KCND2: variants seen among roughly 807,000 people sequenced by gnomAD.
The protein encoded by KCND2 is A-type voltage-gated potassium channel KCND2.
In KCND2, 16 loss-of-function variants were observed where a neutral mutation model predicts 54.4. That is an observed-to-expected ratio of 0.29 (90% confidence interval 0.20 to 0.45). The LOEUF is 0.45. KCND2 is among the 20% of genes least tolerant of loss of function. The probability of loss-of-function intolerance (pLI) is 1.00; values close to 1 mark genes in which losing one functional copy is unlikely to be tolerated. For synonymous variants in KCND2, 317 were observed against 310.7 expected (o/e 1.02, Z -0.21); for missense variants, 486 against 824.2 (o/e 0.59, Z 5.02).
At chr7:120,581,957 A>G (rs1026642193) in intron 1 of KCND2, among the ~76,000 whole-genome samples, 1 of 151,562 alleles carries the variant, frequency 6.6e-6, no homozygotes, top group South Asian at 2.1e-4. Flanking sequence ...CAAGTCATCC[A>G]CCCGCCTCAG....
chr7:120,674,153 C>T (rs967322356), intron 1 of KCND2, among the ~76,000 whole-genome samples: 6 of 152,102 alleles, frequency 3.9e-5, no homozygotes, highest in Non-Finnish European at 8.8e-5. Flanking sequence ...ATCCACCCAC[C>T]TCAGCCTCCC....
rs1002043179 is a variant in KCND2, at chr7:120,535,374, A to T, written c.1116-197529A>T. 2.0e-5 allele frequency among the ~76,000 whole-genome samples: 3 copies of T among 152,284 alleles called. No individual in the cohort carries two copies. The South Asian group carries it at 6.2e-4, about 32-fold the overall frequency. On this transcript the variant is annotated intron_variant, in intron 1 of 5. Transcript: ENST00000331113. ...TCTTTGAAAAAAAGTAACTATAGGT[A>T]GACTATCTTACAGACCCTTATTTAA...
chr7:120,422,201 C>G (rs1801635796), intron 1 of KCND2, among the ~76,000 whole-genome samples: 1 of 152,164 alleles, frequency 6.6e-6, no homozygotes, highest in African/African-American at 2.4e-5. Flanking sequence ...CCTCATGAGT[C>G]TTACCATTCT....
chr7:120,612,810 C>T (rs183214972), intron 1 of KCND2, among the ~76,000 whole-genome samples: 19 of 152,236 alleles, frequency 1.2e-4, no homozygotes, highest in Middle Eastern at 3.4e-3. Flanking sequence ...ACTATAATTA[C>T]GTGAGTCTCA....
intron 1 of KCND2, among the ~76,000 whole-genome samples, chr7:120,430,721 A>G (rs931412531): frequency 1.3e-5 from 2 of 152,214 alleles, no homozygotes; most frequent in Non-Finnish European, 2.9e-5. Context: ...GAGATGTTTT[A>G]TTCACATACA....
At chr7:120,317,994 G>T (rs554331068) in intron 1 of KCND2, among the ~76,000 whole-genome samples, 1 of 152,288 alleles carries the variant, frequency 6.6e-6, no homozygotes, top group South Asian at 2.1e-4. Flanking sequence ...TTAAGCACCT[G>T]CTGTGTATTT....
chr7:120,554,058 T>C (rs1469724799), intron 1 of KCND2, among the ~76,000 whole-genome samples: 1 of 152,226 alleles, frequency 6.6e-6, no homozygotes, highest in African/African-American at 2.4e-5. Context: ...AAGTGTTTTG[T>C]CATTACTCCC....
chr7:120,517,459 G>A (rs1018229804), intron 1 of KCND2, among the ~76,000 whole-genome samples: 35 of 151,972 alleles, frequency 2.3e-4, no homozygotes, highest in African/African-American at 7.5e-4. Flanking sequence ...ATTAGTATTC[G>A]ATTGCTACAA....
At chr7:120,541,981 C>T (rs925045995) in intron 1 of KCND2, among the ~76,000 whole-genome samples, 1 of 152,092 alleles carries the variant, frequency 6.6e-6, no homozygotes, top group Non-Finnish European at 1.5e-5. Flanking sequence ...AACCATTTTA[C>T]AGTCATTTAT....
intron 1 of KCND2, among the ~76,000 whole-genome samples, chr7:120,340,259 A>G (rs1800222048): frequency 6.6e-6 from 1 of 152,230 alleles, no homozygotes; most frequent in African/African-American, 2.4e-5. Flanking sequence ...TATCAATAGA[A>G]ATTTTGAGAA....
intron 1 of KCND2, among the ~76,000 whole-genome samples, chr7:120,688,685 C>A (rs1290956103): frequency 1.3e-5 from 2 of 152,172 alleles, no homozygotes; most frequent in Non-Finnish European, 2.9e-5. Flanking sequence ...CTTACCATGT[C>A]TATCATCCTC....
chr7:120,496,880 G>A (rs993431849), intron 1 of KCND2, among the ~76,000 whole-genome samples: 4 of 152,086 alleles, frequency 2.6e-5, no homozygotes, highest in Non-Finnish European at 5.9e-5. Flanking sequence ...AGTTGGAATT[G>A]CAGATAATTT....
intron 1 of KCND2, among the ~76,000 whole-genome samples, chr7:120,449,949 G>A (rs1802076985): frequency 6.6e-6 from 1 of 152,220 alleles, no homozygotes; most frequent in South Asian, 2.1e-4. Flanking sequence ...TGATAAGAAT[G>A]CCAAAGGCAA....
chr7:120,457,145 G>A (rs955318814), intron 1 of KCND2, among the ~76,000 whole-genome samples: 8 of 152,122 alleles, frequency 5.3e-5, no homozygotes, highest in Admixed American at 1.3e-4. Flanking sequence ...GGGGATCCCC[G>A]GGCCTGGCCC....
chr7:120,300,299 G>A (rs1403817371), intron 1 of KCND2, among the ~76,000 whole-genome samples: 1 of 152,102 alleles, frequency 6.6e-6, no homozygotes, highest in African/African-American at 2.4e-5. Flanking sequence ...TTCAGGGGAA[G>A]TCAAAACCCT....
intron 1 of KCND2, among the ~76,000 whole-genome samples, chr7:120,294,689 G>T (rs547881885): frequency 1.3e-5 from 2 of 151,718 alleles, no homozygotes; most frequent in South Asian, 2.1e-4. Context: ...TACAATGAAA[G>T]AATTTTTAAA....
At chr7:120,579,928 A>C (rs1186480189) in intron 1 of KCND2, among the ~76,000 whole-genome samples, 1 of 152,102 alleles carries the variant, frequency 6.6e-6, no homozygotes, top group East Asian at 1.9e-4. Flanking sequence ...TATGTTGGAG[A>C]GCTGGTAATG....
intron 1 of KCND2, among the ~76,000 whole-genome samples, chr7:120,374,152 C>A (rs1470781646): frequency 2.6e-5 from 4 of 151,608 alleles, no homozygotes; most frequent in Non-Finnish European, 5.9e-5. Context: ...TGAAAAGAAA[C>A]CTATTTTTAA....
intron 1 of KCND2, among the ~76,000 whole-genome samples, chr7:120,317,206 A>T (rs1489546035): frequency 6.6e-6 from 1 of 152,198 alleles, no homozygotes; most frequent in Non-Finnish European, 1.5e-5. Context: ...TATATATATC[A>T]AACTTCTTCA....
Sources: gnomAD v4.1 joint callset for allele counts (sites outside exome capture counted in the v4.1 genomes callset) on GRCh38, gnomAD v4.1.1 for gene constraint, MANE v1.5 for transcripts, NCBI Gene and HGNC (gene_info 2026-07-23, HGNC 2026-07-21) for gene names.